Variants in VAV3 observed in about 807,000 individuals in gnomAD.
VAV3 encodes vav guanine nucleotide exchange factor 3.
Under a neutral mutation model 131.2 loss-of-function variants are expected in VAV3, and 94 were observed. The observed-to-expected ratio is 0.72, with a 90% CI of 0.61 to 0.85. VAV3 has a LOEUF of 0.85. Ranked by LOEUF, VAV3 falls within the 40% of genes least tolerant of loss-of-function variation. The pLI is 0.00. For synonymous variants in VAV3, 349 were observed against 342.0 expected (o/e 1.02, Z -0.22); for missense variants, 939 against 1,002.7 (o/e 0.94, Z 0.86).
chr1:107,782,432 A>C (rs1463182190), intron 2 of VAV3, among the ~76,000 whole-genome samples: 8 of 152,216 alleles, frequency 5.3e-5, no homozygotes, highest in Admixed American at 5.2e-4. Context: ...TTAGTCCTGA[A>C]TTGAATGTGT....
At chr1:107,877,150 CA>C (rs1670544109) in intron 1 of VAV3, among the ~76,000 whole-genome samples, 1 of 152,154 alleles carries the variant, frequency 6.6e-6, no homozygotes, top group African/African-American at 2.4e-5. Flanking sequence ...AGGTAATCAG[CA>C]CATGCAGTTA....
At chr1:107,658,850 A>C (rs4914955) in intron 19 of VAV3, among the ~76,000 whole-genome samples, 134,211 of 151,534 alleles carry the variant, frequency 0.89, 59,519 homozygotes, top group Middle Eastern at 0.93. Context: ...TGGATATCAC[A>C]CCTTTGTCAG....
At chr1:107,609,807 C>G in intron 22 of VAV3, 124 bp downstream of exon 22, 3 of 980,180 alleles carry the variant, frequency 3.1e-6, no homozygotes, top group East Asian at 4.9e-5. Context: ...TTTGTTACAT[C>G]TGAAAACACC....
At chr1:107,664,173 C>T (rs570110297) in intron 19 of VAV3, among the ~76,000 whole-genome samples, 1 of 151,144 alleles carries the variant, frequency 6.6e-6, no homozygotes, top group Admixed American at 6.6e-5. Flanking sequence ...CACTCTTTGC[C>T]CTCCCCTCCT....
Position 107,894,144 on chromosome 1 carries a change from A to G in VAV3, c.205-19127T>C, listed in dbSNP as rs370009450. On this transcript the variant is annotated intron_variant, in intron 1 of 26. Transcript: ENST00000370056. ...AATTATTTCCTATAGTTGACTGTAA[A>G]TGGACACTGTTTACTCGGGCAAGAA... Among the ~76,000 whole-genome samples, 111 of 152,356 alleles carry G rather than the reference A, an allele frequency of 7.3e-4. 1 individual carries two copies. The South Asian group carries it at 0.011, about 15-fold the overall frequency.
chr1:107,829,872 C>T (rs1373737578), intron 2 of VAV3, among the ~76,000 whole-genome samples: 2 of 152,124 alleles, frequency 1.3e-5, no homozygotes, highest in Non-Finnish European at 2.9e-5. Flanking sequence ...GCCTTTCATA[C>T]ATCCCTTTGG....
At chr1:107,809,119 T>C (rs1206992675) in intron 2 of VAV3, among the ~76,000 whole-genome samples, 1 of 152,200 alleles carries the variant, frequency 6.6e-6, no homozygotes, top group Non-Finnish European at 1.5e-5. Context: ...CTCTTGTGAT[T>C]TTCTCCCACC....
chr1:107,702,826 A>G (rs1258702102), intron 17 of VAV3, among the ~76,000 whole-genome samples: 1 of 151,886 alleles, frequency 6.6e-6, no homozygotes, highest in South Asian at 2.1e-4. Context: ...ATTTTTCACT[A>G]TATCACCTTA....
At chr1:107,901,776 T>G (rs1324444384) in intron 1 of VAV3, among the ~76,000 whole-genome samples, 1 of 152,094 alleles carries the variant, frequency 6.6e-6, no homozygotes, top group Non-Finnish European at 1.5e-5. Context: ...GAGAGGGTGG[T>G]TCACGCCTGT....
At chr1:107,870,720 G>T (rs1670214108) in intron 2 of VAV3, among the ~76,000 whole-genome samples, 1 of 152,018 alleles carries the variant, frequency 6.6e-6, no homozygotes, top group African/African-American at 2.4e-5. Flanking sequence ...CCCCTAAGCT[G>T]ATGCTCTGAA....
At chr1:107,875,968 T>G (rs1670476383) in intron 1 of VAV3, among the ~76,000 whole-genome samples, 1 of 152,094 alleles carries the variant, frequency 6.6e-6, no homozygotes, top group Non-Finnish European at 1.5e-5. Flanking sequence ...TACAGAGGAC[T>G]GTTAACCATG....
chr1:107,953,597 A>G (rs1428458066), intron 1 of VAV3, among the ~76,000 whole-genome samples: 1 of 152,170 alleles, frequency 6.6e-6, no homozygotes, highest in Admixed American at 6.5e-5. Context: ...CTATTGCTAT[A>G]AGTACAGAAG....
intron 19 of VAV3, among the ~76,000 whole-genome samples, chr1:107,676,453 A>C (rs1390250050): frequency 6.6e-6 from 1 of 152,216 alleles, no homozygotes; most frequent in African/African-American, 2.4e-5. Context: ...AACCTCTGTG[A>C]GGTGCATGTT....
At chr1:107,608,851 T>C (rs1652501984) in intron 22 of VAV3, among the ~76,000 whole-genome samples, 1 of 152,222 alleles carries the variant, frequency 6.6e-6, no homozygotes, top group Non-Finnish European at 1.5e-5. Flanking sequence ...CCCAGGATAT[T>C]ATATTTATAT....
At chr1:107,961,408 C>A (rs554147853) in intron 1 of VAV3, among the ~76,000 whole-genome samples, 91 of 152,288 alleles carry the variant, frequency 6.0e-4, no homozygotes, top group South Asian at 1.9e-3. Flanking sequence ...CAGCTATCAC[C>A]AGTAGGCTCT....
chr1:107,896,390 C>T (rs896727798), intron 1 of VAV3, among the ~76,000 whole-genome samples: 1 of 148,208 alleles, frequency 6.7e-6, no homozygotes, highest in African/African-American at 2.5e-5. Flanking sequence ...TCAAATTAAT[C>T]GCACAGCAGC....
At chr1:107,718,980 G>T (rs190896280) in intron 15 of VAV3, among the ~76,000 whole-genome samples, 1 of 152,298 alleles carries the variant, frequency 6.6e-6, no homozygotes, top group African/African-American at 2.4e-5. Flanking sequence ...TCAATAAATG[G>T]TGCTGGGAAA....
intron 2 of VAV3, among the ~76,000 whole-genome samples, chr1:107,863,907 T>C (rs1249122869): frequency 6.6e-6 from 1 of 152,228 alleles, no homozygotes; most frequent in Non-Finnish European, 1.5e-5. Flanking sequence ...GTGATATCTT[T>C]ATCATGCTTT....
chr1:107,856,612 T>C (rs1314584769), intron 2 of VAV3, among the ~76,000 whole-genome samples: 1 of 151,934 alleles, frequency 6.6e-6, no homozygotes, highest in African/African-American at 2.4e-5. Context: ...GATAGCACTT[T>C]ATTTTGTTCT....
Sources: allele counts gnomAD v4.1 joint callset (sites outside exome capture counted in the v4.1 genomes callset), GRCh38; gene constraint gnomAD v4.1.1; transcripts MANE v1.5; gene names NCBI Gene and HGNC (gene_info 2026-07-23, HGNC 2026-07-21).